The following FHL1 variants were observed in gnomAD, a reference collection of about 807,000 sequenced individuals.
The protein encoded by FHL1 is four and a half LIM domains 1.
A neutral mutation model predicts 20.3 loss-of-function variants in FHL1; 1 was observed. The observed-to-expected ratio is 0.05, with a 90% CI of 0.02 to 0.23. The LOEUF is 0.23. FHL1 is among the 10% of genes least tolerant of loss of function. The probability of loss-of-function intolerance (pLI) is 1.00; values close to 1 mark genes in which losing one functional copy is unlikely to be tolerated. For missense variants in FHL1, 177 were observed against 234.0 expected (o/e 0.76, Z 1.59); for synonymous variants, 82 against 88.9 (o/e 0.92, Z 0.44).
At chrX:136,193,370 G>A (rs748266621), upstream of FHL1, among the ~76,000 whole-genome samples, 11 of 112,075 alleles carry the variant, frequency 9.8e-5, no homozygotes, top group East Asian at 3.1e-3. Flanking sequence ...TTTGAAGTTT[G>A]ATCCTCCCAG....
chrX:136,196,775 C>T (rs927451397), upstream of FHL1: 34 of 1,156,691 alleles, frequency 2.9e-5, no homozygotes, highest in East Asian at 5.9e-4. Context: ...ATGCCAGAGC[C>T]GAGTCCAAAT....
At chrX:136,209,465 G>A in intron 5 of FHL1, 1 of 1,196,745 alleles carries the variant, frequency 8.4e-7, no homozygotes, top group Non-Finnish European at 1.1e-6. Context: ...CCCACGAACA[G>A]CCCAAGTTTG....
chrX:136,181,847 A>G (rs906663006), intron 2 of FHL1, among the ~76,000 whole-genome samples: 1 of 112,061 alleles, frequency 8.9e-6, no homozygotes, highest in African/African-American at 3.2e-5. Flanking sequence ...TTTTATTACT[A>G]TCTATCCATC....
At chrX:136,156,266 A>G (rs1197575951) in intron 1 of FHL1, among the ~76,000 whole-genome samples, 1 of 109,644 alleles carries the variant, frequency 9.1e-6, no homozygotes, top group Non-Finnish European at 1.9e-5. Flanking sequence ...GTTGCAAGAC[A>G]TTAAATGTTC....
upstream of FHL1, chrX:136,147,020 A>G: frequency 3.4e-6 from 1 of 293,579 alleles, no homozygotes; most frequent in Non-Finnish European, 6.5e-6. Flanking sequence ...CAGGTTAGCG[A>G]GGACCCCGGT....
upstream of FHL1, among the ~76,000 whole-genome samples, chrX:136,194,629 G>T (rs1398095118): frequency 2.7e-5 from 3 of 111,723 alleles, no homozygotes. Flanking sequence ...AAGGTGCGTT[G>T]TAAACAGTAC....
chrX:136,158,199 A>T lies in FHL1; in HGVS notation c.-101+10571A>T, dbSNP rs182361331. 3.4e-4 allele frequency among the ~76,000 whole-genome samples: 38 copies of T among 112,089 alleles called. 1 individual carries two copies. The highest frequency in any genetic ancestry group is 4.7e-3 in the Middle Eastern group (1 of 215). On this transcript the variant is annotated intron_variant, in intron 1 of 7. Transcript: ENST00000394155. ...AGGCTTCAGAGGGAATTTTCTGTGC[A>T]TGAAAGGTGTACTGTCTTTACACAC...
chrX:136,186,871 T>TAG (rs2073309797), intron 2 of FHL1, among the ~76,000 whole-genome samples: 4 of 58,897 alleles, frequency 6.8e-5, no homozygotes, highest in African/African-American at 2.4e-4. Flanking sequence ...AAAAAATATA[T>TAG]ATATATATAT....
chrX:136,168,189 A>G (rs764844514), upstream of FHL1: 3 of 111,709 alleles, frequency 2.7e-5, no homozygotes, highest in African/African-American at 6.5e-5. Context: ...CCGGTATTTG[A>G]GCTCAGGCAG....
chrX:136,184,544 A>G (rs1007949567), intron 2 of FHL1, among the ~76,000 whole-genome samples: 4 of 112,066 alleles, frequency 3.6e-5, no homozygotes, highest in African/African-American at 1.3e-4. Flanking sequence ...CTTTAAATAA[A>G]ACTAAAATAG....
At chrX:136,194,048 C>T (rs1244338313), upstream of FHL1, among the ~76,000 whole-genome samples, 3 of 110,574 alleles carry the variant, frequency 2.7e-5, no homozygotes, top group Non-Finnish European at 5.7e-5. Context: ...ACTCCCTCCC[C>T]CTTGTCTGCA....
chrX:136,185,169 T>C (rs1031595149), intron 2 of FHL1, among the ~76,000 whole-genome samples: 2 of 112,778 alleles, frequency 1.8e-5, no homozygotes, highest in African/African-American at 3.2e-5. Flanking sequence ...TTTTTGAATT[T>C]GCTAAAAGTG....
upstream of FHL1, among the ~76,000 whole-genome samples, chrX:136,166,143 T>G (rs1330521117): frequency 8.9e-6 from 1 of 111,958 alleles, no homozygotes; most frequent in Non-Finnish European, 1.9e-5. Context: ...CACACAAATA[T>G]ACCCACCATG....
intron 2 of FHL1, among the ~76,000 whole-genome samples, chrX:136,191,592 C>A (rs2073432801): frequency 9.0e-6 from 1 of 111,393 alleles, no homozygotes; most frequent in Non-Finnish European, 1.9e-5. Flanking sequence ...CTAGGGCTAT[C>A]TTCTATTTGG....
upstream of FHL1, chrX:136,146,814 GCTTT>G (rs934111025): frequency 6.1e-6 from 2 of 327,656 alleles, no homozygotes; most frequent in Non-Finnish European, 1.2e-5. Context: ...TGCCATCGGT[GCTTT>G]CTGAGTGACG....
At chrX:136,161,105 G>A (rs186308343) in intron 1 of FHL1, among the ~76,000 whole-genome samples, 1 of 111,867 alleles carries the variant, frequency 8.9e-6, no homozygotes, top group Non-Finnish European at 1.9e-5. Flanking sequence ...GGCTGGGTTC[G>A]TCATTAGGCC....
chrX:136,171,888 AT>A (rs3831873), intron 2 of FHL1, among the ~76,000 whole-genome samples: 3 of 104,000 alleles, frequency 2.9e-5, no homozygotes, highest in African/African-American at 1.0e-4. Flanking sequence ...TTATTGATTT[AT>A]TTTTTTTTAT....
At chrX:136,149,710 C>T (rs1212351891) in intron 1 of FHL1, among the ~76,000 whole-genome samples, 1 of 111,128 alleles carries the variant, frequency 9.0e-6, no homozygotes, top group African/African-American at 3.3e-5. Flanking sequence ...GATAAAATTC[C>T]TCCTGTATAA....
chrX:136,209,575 A>G (rs1247073906), intron 5 of FHL1: 2 of 667,918 alleles, frequency 3.0e-6, no homozygotes, highest in Non-Finnish European at 2.2e-6. Context: ...GCGTGGTGGC[A>G]TGGGAACGTG....
Sources: gnomAD v4.1 joint callset for allele counts (sites outside exome capture counted in the v4.1 genomes callset) on GRCh38, gnomAD v4.1.1 for gene constraint, MANE v1.5 for transcripts, NCBI Gene and HGNC (gene_info 2026-07-23, HGNC 2026-07-21) for gene names.